Variants in TMEM117 observed in about 807,000 individuals in gnomAD.
TMEM117 encodes transmembrane protein 117.
Under a neutral mutation model 52.4 loss-of-function variants are expected in TMEM117, and 27 were observed. The observed-to-expected ratio is 0.51, with a 90% CI of 0.38 to 0.71. The LOEUF (loss-of-function observed/expected upper bound fraction) is 0.71. TMEM117 is among the 30% of genes least tolerant of loss of function. The pLI is 0.00. For synonymous variants in TMEM117, 215 were observed against 206.3 expected, an observed-to-expected ratio of 1.04 and a Z score of -0.36; for missense variants, 556 against 630.5, an observed-to-expected ratio of 0.88 and a Z score of 1.26.
At chr12:43,838,536 AGTT>A (rs1943068693) in intron 1 of TMEM117, among the ~76,000 whole-genome samples, 2 of 134,332 alleles carry the variant, frequency 1.5e-5, no homozygotes, top group African/African-American at 3.0e-5. Context: ...GGAGTCTTCC[AGTT>A]TTTTTTTTTT....
the TMEM117 span, among the ~76,000 whole-genome samples, chr12:43,816,876 C>T: frequency 6.6e-6 from 1 of 152,140 alleles, no homozygotes; most frequent in African/African-American, 2.4e-5. Flanking sequence ...TAATTTTATA[C>T]AAGATGGTAT....
At chr12:44,050,478 G>T (rs1297475787) in intron 3 of TMEM117, among the ~76,000 whole-genome samples, 2 of 152,210 alleles carry the variant, frequency 1.3e-5, no homozygotes, top group African/African-American at 4.8e-5. Context: ...TACCCGGCTA[G>T]AATAGCAGAG....
intron 5 of TMEM117, among the ~76,000 whole-genome samples, chr12:44,284,180 G>A (rs1950610823): frequency 6.6e-6 from 1 of 152,078 alleles, no homozygotes; most frequent in Non-Finnish European, 1.5e-5. Flanking sequence ...GGGCATGGTG[G>A]CGCAGCCTGT....
At chr12:44,145,889 A>G (rs1948635921) in intron 4 of TMEM117, among the ~76,000 whole-genome samples, 1 of 152,202 alleles carries the variant, frequency 6.6e-6, no homozygotes, top group African/African-American at 2.4e-5. Flanking sequence ...CATTTATTAC[A>G]TAAATCATTT....
the TMEM117 span, among the ~76,000 whole-genome samples, chr12:43,808,812 G>GA: frequency 4.0e-3 from 320 of 80,678 alleles, 2 homozygotes; most frequent in Non-Finnish European, 5.1e-3. Context: ...TCAAAGGGGA[G>GA]AAAAAAAAAA....
intron 3 of TMEM117, among the ~76,000 whole-genome samples, chr12:44,136,428 A>C (rs977578178): frequency 1.3e-5 from 2 of 152,184 alleles, no homozygotes; most frequent in African/African-American, 4.8e-5. Flanking sequence ...ATAACCACAC[A>C]AAATCTGGGA....
chr12:44,240,181 A>T (rs1211595380), intron 5 of TMEM117, among the ~76,000 whole-genome samples: 1 of 152,142 alleles, frequency 6.6e-6, no homozygotes, highest in African/African-American at 2.4e-5. Flanking sequence ...TGATTTATAG[A>T]TTCCCAACCT....
At chr12:44,042,236 A>AT (rs1297582490) in intron 3 of TMEM117, among the ~76,000 whole-genome samples, 5 of 143,138 alleles carry the variant, frequency 3.5e-5, no homozygotes, top group Non-Finnish European at 4.6e-5. Context: ...TATCCTATTC[A>AT]TTTTTTTCAT....
At position 44,143,587 on chromosome 12, in the gene TMEM117, T is replaced by C; in HGVS notation, c.473T>C (p.Val158Ala). ...RNESFMKLAA[V>A]GTWMGDFVTA... The stretch of plus-strand genomic sequence containing the variant: ...GAAAGTTTCATGAAATTAGCTGCAG[T>C]AGGGACCTGGATGGGGGACTTTGTC... The change falls in exon 4 of 8, where the codon GTA (valine) becomes GCA (alanine). Residue 158 changes from valine to alanine, a missense_variant. Physicochemically the swap from Val to Ala is moderately conservative, Grantham distance 64. Coordinates refer to ENST00000266534, the MANE Select transcript of TMEM117 (RefSeq NM_032256.3). The C allele has an allele frequency of 1.2e-6, 2 of 1,613,854 alleles. No homozygotes were observed. The highest frequency in any genetic ancestry group is 1.7e-6 in the Non-Finnish European group (2 of 1,179,792).
intron 5 of TMEM117, among the ~76,000 whole-genome samples, chr12:44,268,341 A>C (rs1448378179): frequency 6.6e-6 from 1 of 151,438 alleles, no homozygotes; most frequent in African/African-American, 2.4e-5. Context: ...ATGGGGTTTC[A>C]CCATGTTGCC....
intron 3 of TMEM117, among the ~76,000 whole-genome samples, chr12:44,130,582 A>G (rs1948398222): frequency 6.6e-6 from 1 of 152,164 alleles, no homozygotes; most frequent in Non-Finnish European, 1.5e-5. Flanking sequence ...GGCTTCAATT[A>G]GTACTAGTTT....
chr12:43,991,679 A>G (rs1945943622), intron 3 of TMEM117, among the ~76,000 whole-genome samples: 1 of 152,180 alleles, frequency 6.6e-6, no homozygotes, highest in East Asian at 1.9e-4. Context: ...CTCAGTAAAT[A>G]TTAGTTCTAA....
the TMEM117 span, chr12:43,806,043 G>C: frequency 1.3e-6 from 2 of 1,518,244 alleles, no homozygotes; most frequent in African/African-American, 1.4e-5. Context: ...GGAGGAGGAC[G>C]CAGGCCGGCA....
chr12:43,805,940 G>T, the TMEM117 span: 1 of 1,529,922 alleles, frequency 6.5e-7, no homozygotes, highest in Non-Finnish European at 8.8e-7. Context: ...TGGAAGGCAC[G>T]CCCCCTTCAA....
rs185451985 is a variant in TMEM117 at position 44,009,301 on chromosome 12, G to C, written c.410+64959G>C. 422 of 267,508 alleles carry C rather than the reference G, an allele frequency of 1.6e-3. 4 individuals carry two copies. Among genetic ancestry groups the C allele is most frequent in the African/African-American group, 9.3e-3 (395 of 42,678 alleles). The allele number at this position is 267,508 out of a possible 1,614,324, so 16.6% of individuals were successfully genotyped here. ...AACCGATACAGGATGATCATTTCCA[G>C]TGTCATATTTTAGCTTTAACCCTAG... On this transcript the variant is annotated intron_variant, in intron 3 of 7. Transcript: ENST00000266534.
upstream of TMEM117, among the ~76,000 whole-genome samples, chr12:43,835,024 T>G (rs1022833886): frequency 2.6e-5 from 4 of 152,208 alleles, no homozygotes; most frequent in African/African-American, 9.7e-5. Context: ...CTTCATAAGT[T>G]TGCTAATATG....
chr12:43,882,963 C>G (rs993395322), intron 2 of TMEM117, among the ~76,000 whole-genome samples: 6 of 152,104 alleles, frequency 3.9e-5, no homozygotes, highest in African/African-American at 1.4e-4. Context: ...TTACACAAGG[C>G]TAAGGTTGAG....
At chr12:44,334,280 C>T (rs1951310603) in intron 6 of TMEM117, among the ~76,000 whole-genome samples, 1 of 152,018 alleles carries the variant, frequency 6.6e-6, no homozygotes, top group African/African-American at 2.4e-5. Flanking sequence ...CAATGTAGGG[C>T]TTTTTATTTC....
At chr12:43,857,440 GAA>G (rs1943420442) in intron 2 of TMEM117, among the ~76,000 whole-genome samples, 1 of 151,714 alleles carries the variant, frequency 6.6e-6, no homozygotes, top group Admixed American at 6.6e-5. Context: ...GGTAATGCTA[GAA>G]GTTTTTCACA....
Sources: allele counts gnomAD v4.1 joint callset (sites outside exome capture counted in the v4.1 genomes callset), GRCh38; gene constraint gnomAD v4.1.1; transcripts MANE v1.5; gene names NCBI Gene and HGNC (gene_info 2026-07-23, HGNC 2026-07-21).